ARHGEF28: variants seen among roughly 807,000 people sequenced by gnomAD.
ARHGEF28 encodes 190 kDa guanine nucleotide exchange factor.
ARHGEF28 carries 152 observed loss-of-function variants against 206.6 expected under a neutral mutation model. The observed-to-expected ratio is 0.74, with a 90% CI of 0.64 to 0.84. The LOEUF (loss-of-function observed/expected upper bound fraction) is 0.84. ARHGEF28 is among the 40% of genes least tolerant of loss of function. The probability of loss-of-function intolerance (pLI) is 0.00; values close to 1 mark genes in which losing one functional copy is unlikely to be tolerated. For synonymous variants in ARHGEF28, 763 were observed against 776.4 expected (o/e 0.98, Z 0.29); for missense variants, 2,028 against 2,073.2 (o/e 0.98, Z 0.42).
chr5:73,935,179 C>A (rs1404147451), intron 35 of ARHGEF28, among the ~76,000 whole-genome samples: 1 of 152,158 alleles, frequency 6.6e-6, no homozygotes, highest in Non-Finnish European at 1.5e-5. Context: ...TAAAGTTCAA[C>A]TCCCACAATC....
chr5:73,643,998 G>C (rs1247416289), intron 1 of ARHGEF28, among the ~76,000 whole-genome samples: 1 of 149,874 alleles, frequency 6.7e-6, no homozygotes, highest in East Asian at 2.0e-4. Context: ...TGTAGCTCTT[G>C]TGTCTCCCAT....
At chr5:73,715,959 C>T (rs1198921847) in intron 2 of ARHGEF28, among the ~76,000 whole-genome samples, 6 of 152,162 alleles carry the variant, frequency 3.9e-5, no homozygotes, top group African/African-American at 7.2e-5. Flanking sequence ...CAGCTACTGT[C>T]GTTCAGTTCA....
At chr5:73,760,325 G>A (rs1191183881) in intron 4 of ARHGEF28, among the ~76,000 whole-genome samples, 1 of 149,414 alleles carries the variant, frequency 6.7e-6, no homozygotes, top group Non-Finnish European at 1.5e-5. Flanking sequence ...TTTAAGTTTT[G>A]AAATCAATAC....
At chr5:73,659,790 T>C (rs1745473018) in intron 1 of ARHGEF28, among the ~76,000 whole-genome samples, 1 of 152,256 alleles carries the variant, frequency 6.6e-6, no homozygotes, top group East Asian at 1.9e-4. Context: ...AATTATACTG[T>C]AGTCTATTAG....
At chr5:73,926,861 A>G (rs1377073503) in intron 35 of ARHGEF28, among the ~76,000 whole-genome samples, 4 of 152,172 alleles carry the variant, frequency 2.6e-5, no homozygotes, top group Non-Finnish European at 5.9e-5. Flanking sequence ...TTCTTAAGGG[A>G]CACGTATGTA....
chr5:73,911,616 G>T, intron 35 of ARHGEF28, 41 bp downstream of exon 35: 2 of 1,524,822 alleles, frequency 1.3e-6, no homozygotes, highest in Non-Finnish European at 8.9e-7. Context: ...GTTTGAACAA[G>T]AAGTTGTCCC....
At chr5:73,725,220 A>T (rs1216891211) in intron 2 of ARHGEF28, among the ~76,000 whole-genome samples, 3 of 152,242 alleles carry the variant, frequency 2.0e-5, no homozygotes, top group African/African-American at 7.2e-5. Context: ...ACATTTAATG[A>T]TAGGAGTATC....
chr5:73,723,744 T>G (rs1167698176), intron 2 of ARHGEF28, among the ~76,000 whole-genome samples: 1 of 152,210 alleles, frequency 6.6e-6, no homozygotes, highest in East Asian at 1.9e-4. Flanking sequence ...AGACATATTT[T>G]TCTAATATCA....
rs757881934 is a variant in ARHGEF28 at position 73,858,133 on chromosome 5, A to G, written c.1961A>G (p.Gln654Arg). The part of the protein sequence containing the change: ...AKDKEKLNRH[Q>R]FAPGTFSGVL... The stretch of plus-strand genomic sequence containing the variant: ...GATAAAGAGAAGCTGAATCGACATC[A>G]GTTTGCCCCAGGAACATTCTCTGGG... The change falls in exon 16 of 36, where the codon CAG (glutamine) becomes CGG (arginine). Residue 654 changes from glutamine to arginine, a missense_variant. Gln to Arg is a conservative substitution (Grantham distance 43, BLOSUM62 1). Transcript: ENST00000513042. 1.2e-6 allele frequency: 2 copies of G among 1,612,240 alleles called. No homozygotes were observed. The highest frequency in any genetic ancestry group is 1.7e-5 in the Admixed American group (1 of 59,466).
At chr5:73,861,325 T>C (rs1409518779) in intron 16 of ARHGEF28, among the ~76,000 whole-genome samples, 1 of 152,176 alleles carries the variant, frequency 6.6e-6, no homozygotes, top group Non-Finnish European at 1.5e-5. Context: ...TTAAAAACAG[T>C]CATTTCTTAA....
chr5:73,669,786 A>G (rs1326006847), intron 1 of ARHGEF28, among the ~76,000 whole-genome samples: 2 of 152,132 alleles, frequency 1.3e-5, no homozygotes, highest in Non-Finnish European at 2.9e-5. Context: ...TCCCAGATTC[A>G]AGCAATTCTG....
intron 13 of ARHGEF28, among the ~76,000 whole-genome samples, chr5:73,849,617 T>G (rs1027527916): frequency 9.5e-6 from 1 of 105,070 alleles, no homozygotes; most frequent in Non-Finnish European, 1.8e-5. Context: ...AAATATAACT[T>G]TTAGGCAATA....
At chr5:73,781,688 C>T (rs138709468) in intron 7 of ARHGEF28, among the ~76,000 whole-genome samples, 4 of 152,214 alleles carry the variant, frequency 2.6e-5, no homozygotes, top group Admixed American at 2.0e-4. Flanking sequence ...AAAAATCTAA[C>T]CACATTATTG....
intron 35 of ARHGEF28, among the ~76,000 whole-genome samples, chr5:73,913,091 T>C (rs1180772181): frequency 6.6e-6 from 1 of 152,166 alleles, no homozygotes; most frequent in Non-Finnish European, 1.5e-5. Context: ...AAATAAACAG[T>C]GATTATATAC....
At chr5:73,849,241 T>C in intron 13 of ARHGEF28, 154 bp downstream of exon 13, 1 of 587,594 alleles carries the variant, frequency 1.7e-6, no homozygotes, top group Admixed American at 3.7e-5. Flanking sequence ...AATTCTTTTC[T>C]TATTGGATAA....
At chr5:73,874,439 T>A (rs1403403877) in intron 22 of ARHGEF28, among the ~76,000 whole-genome samples, 1 of 151,968 alleles carries the variant, frequency 6.6e-6, no homozygotes, top group East Asian at 1.9e-4. Flanking sequence ...ACTTTAAGTT[T>A]TAGGGTACAT....
intron 1 of ARHGEF28, among the ~76,000 whole-genome samples, chr5:73,638,726 A>G (rs1365909744): frequency 1.3e-5 from 2 of 152,202 alleles, no homozygotes; most frequent in Admixed American, 6.5e-5. Flanking sequence ...CCACAGTTGA[A>G]TACCACTGAA....
intron 35 of ARHGEF28, among the ~76,000 whole-genome samples, chr5:73,927,784 GA>G (rs1437098237): frequency 6.6e-6 from 1 of 152,172 alleles, no homozygotes; most frequent in African/African-American, 2.4e-5. Flanking sequence ...TAGAAATATG[GA>G]AGAGGGACCT....
chr5:73,737,974 G>C lies in ARHGEF28; in HGVS notation c.34-11863G>C, dbSNP rs142530080. On this transcript the variant is annotated intron_variant, in intron 2 of 35. Transcript: ENST00000513042. ...CTGGCCTTTTTCCTGCTTTTGCTTC[G>C]ATTTGAGGAGAAGAGCTACAGGACC... Among the ~76,000 whole-genome samples, 175 of 152,236 alleles carry C rather than the reference G, an allele frequency of 1.1e-3. 4 individuals are homozygous for C. The East Asian group carries it at 0.027, about 24-fold the overall frequency.
Sources: gnomAD v4.1 joint callset for allele counts (sites outside exome capture counted in the v4.1 genomes callset) on GRCh38, gnomAD v4.1.1 for gene constraint, MANE v1.5 for transcripts, NCBI Gene and HGNC (gene_info 2026-07-23, HGNC 2026-07-21) for gene names.